Variants in ADCY5 observed in about 807,000 individuals in gnomAD.
ADCY5 encodes adenylate cyclase 5.
A neutral mutation model predicts 119.7 loss-of-function variants in ADCY5; 30 were observed. The ratio of observed to expected loss-of-function variants is 0.25; its 90% confidence interval spans 0.19 to 0.34. The LOEUF (loss-of-function observed/expected upper bound fraction) is 0.34, where lower values mean the gene tolerates loss of function less well. Ranked by LOEUF, ADCY5 falls within the 10% of genes least tolerant of loss-of-function variation. ADCY5 has a pLI of 1.00. For synonymous variants in ADCY5, 753 were observed against 762.2 expected (o/e 0.99, Z 0.20); for missense variants, 1,324 against 1,775.2 (o/e 0.75, Z 4.57).
At chr3:123,383,054 C>G (rs1372214769) in intron 1 of ADCY5, among the ~76,000 whole-genome samples, 1 of 152,174 alleles carries the variant, frequency 6.6e-6, no homozygotes, top group African/African-American at 2.4e-5. Flanking sequence ...ACCCCCACCC[C>G]ATGGCCACCC....
chr3:123,365,252 C>G (rs1484088229), intron 1 of ADCY5, among the ~76,000 whole-genome samples: 5 of 152,208 alleles, frequency 3.3e-5, no homozygotes, highest in Non-Finnish European at 5.9e-5. Flanking sequence ...CCACCGCGCC[C>G]AGCCTTCATT....
intron 2 of ADCY5, among the ~76,000 whole-genome samples, chr3:123,351,619 A>G (rs1002214215): frequency 2.0e-5 from 3 of 152,106 alleles, no homozygotes; most frequent in Admixed American, 6.5e-5. Flanking sequence ...TCTCTCCCCT[A>G]GGCCACACAG....
intron 14 of ADCY5, among the ~76,000 whole-genome samples, chr3:123,302,847 A>T (rs1939923824): frequency 6.6e-6 from 1 of 152,200 alleles, no homozygotes; most frequent in Non-Finnish European, 1.5e-5. Flanking sequence ...ACACCGCTTT[A>T]ACAGTCATTG....
chr3:123,420,904 T>G (rs939157316), intron 1 of ADCY5, among the ~76,000 whole-genome samples: 3 of 152,184 alleles, frequency 2.0e-5, no homozygotes, highest in Non-Finnish European at 4.4e-5. Flanking sequence ...CTCTCCTGGC[T>G]TGTGGTAGCC....
In ADCY5 at chr3:123,300,232, T is replaced by C; in HGVS notation, c.2788A>G (p.Ile930Val). Residue 930 changes from isoleucine (I) to valine (V), a missense_variant, in exon 15 of 21, where the codon ATC (isoleucine) becomes GTC (valine). By Grantham distance (29) the Ile-to-Val change is conservative (BLOSUM62 3). Coordinates refer to ENST00000462833, the MANE Select transcript of ADCY5 (RefSeq NM_183357.3). ...GCCAGCATGAGCACCAGCTTCCCGATGCAGCTGATCTGCAGGAACACGGAG... is the reference window on the plus strand; with the variant it reads ...GCCAGCATGAGCACCAGCTTCCCGACGCAGCTGATCTGCAGGAACACGGAG... Reference protein sequence around the residue: ...ACSVFLQISCIGKLVLMLAIE... With the variant: ...ACSVFLQISCVGKLVLMLAIE... 1 of 1,613,752 alleles carries C rather than the reference T, an allele frequency of 6.2e-7. No individual in the cohort carries two copies. Among genetic ancestry groups the C allele is most frequent in the African/African-American group, 1.3e-5 (1 of 75,056 alleles).
At chr3:123,387,983 G>T (rs1430264976) in intron 1 of ADCY5, among the ~76,000 whole-genome samples, 1 of 152,218 alleles carries the variant, frequency 6.6e-6, no homozygotes, top group East Asian at 1.9e-4. Flanking sequence ...GTTCTGGAAT[G>T]CAGATGAGTA....
intron 3 of ADCY5, among the ~76,000 whole-genome samples, chr3:123,333,747 A>G (rs1289356825): frequency 6.6e-6 from 1 of 152,220 alleles, no homozygotes; most frequent in East Asian, 1.9e-4. Flanking sequence ...CCTGGGGAAG[A>G]GAAGCCTTTT....
At chr3:123,360,157 C>T (rs1227283474) in intron 1 of ADCY5, among the ~76,000 whole-genome samples, 1 of 151,642 alleles carries the variant, frequency 6.6e-6, no homozygotes, top group African/African-American at 2.4e-5. Flanking sequence ...ATCAAGATTG[C>T]TGTTATGTGT....
rs751504886 is a variant in ADCY5 at position 123,332,637 on chromosome 3, G to A, written c.1445C>T (p.Ala482Val). 6.2e-7 allele frequency: 1 copy of A among 1,613,726 alleles called. No homozygotes were observed. The highest frequency in any genetic ancestry group is 1.1e-5 in the South Asian group (1 of 90,978). ...FADIEGFTSL[A>V]SQCTAQELVM... is the part of the protein sequence containing the mutation. ...CAGTTCCTGTGCAGTGCACTGGGAC[G>A]CCAGGCTGGTGAAGCCCTCGATGTC... Residue 482 changes from alanine (A) to valine (V), a missense_variant, in exon 4 of 21, where the codon GCG becomes GTG. By Grantham distance (64) the Ala-to-Val change is moderately conservative. Coordinates refer to ENST00000462833, the MANE Select transcript of ADCY5 (RefSeq NM_183357.3).
At chr3:123,396,069 G>GGAGAGAGGGAGGGAGGGAGAGA (rs1310383163) in intron 1 of ADCY5, among the ~76,000 whole-genome samples, 1 of 9,212 alleles carries the variant, frequency 1.1e-4, no homozygotes, top group African/African-American at 4.6e-4. Flanking sequence ...AGGGTGGGAG[G>GGAGAGAGGGAGGGAGGGAGAGA]GAGAGGGAGG....
intron 12 of ADCY5, among the ~76,000 whole-genome samples, chr3:123,307,967 C>T (rs1258418493): frequency 2.7e-5 from 4 of 148,938 alleles, no homozygotes; most frequent in African/African-American, 9.9e-5. Context: ...ACTGAGTGTG[C>T]ACTGGCTTGC....
At chr3:123,345,769 G>GACACACAGACACACAGACAC (rs1553731376) in intron 3 of ADCY5, among the ~76,000 whole-genome samples, 10 of 113,760 alleles carry the variant, frequency 8.8e-5, no homozygotes, top group African/African-American at 2.0e-4. Flanking sequence ...CAGACAGACA[G>GACACACAGACACACAGACAC]ACACACACAC....
intron 1 of ADCY5, among the ~76,000 whole-genome samples, chr3:123,432,523 T>G (rs1201562130): frequency 1.3e-5 from 2 of 152,098 alleles, no homozygotes; most frequent in African/African-American, 4.8e-5. Flanking sequence ...TCCTATTTTT[T>G]TACTTATTTT....
intron 12 of ADCY5, among the ~76,000 whole-genome samples, chr3:123,308,918 C>T (rs778936638): frequency 6.6e-6 from 1 of 152,204 alleles, no homozygotes; most frequent in South Asian, 2.1e-4. Context: ...GCAGTCAGAT[C>T]GTGGAGAGGA....
chr3:123,344,221 G>A (rs1285386610), intron 3 of ADCY5, among the ~76,000 whole-genome samples: 1 of 152,054 alleles, frequency 6.6e-6, no homozygotes, highest in African/African-American at 2.4e-5. Flanking sequence ...TTTTTCTTGT[G>A]GCCTTGCTCT....
At chr3:123,305,326 T>C (rs1027117313) in intron 12 of ADCY5, among the ~76,000 whole-genome samples, 5 of 152,182 alleles carry the variant, frequency 3.3e-5, no homozygotes, top group Non-Finnish European at 7.4e-5. Context: ...GCATCTGCAG[T>C]TGGCCACACT....
At chr3:123,346,453 T>C (rs567727959) in intron 3 of ADCY5, among the ~76,000 whole-genome samples, 1 of 152,256 alleles carries the variant, frequency 6.6e-6, no homozygotes, top group South Asian at 2.1e-4. Flanking sequence ...ATGTCTCTCC[T>C]AAAGGCTTAG....
chr3:123,315,492 G>A (rs1022636006), intron 11 of ADCY5, among the ~76,000 whole-genome samples: 20 of 152,292 alleles, frequency 1.3e-4, no homozygotes, highest in African/African-American at 4.3e-4. Context: ...CCCCCAAGCC[G>A]CTGCAGAGAA....
At chr3:123,315,761 C>G (rs1271012002) in intron 11 of ADCY5, among the ~76,000 whole-genome samples, 1 of 151,998 alleles carries the variant, frequency 6.6e-6, no homozygotes, top group Admixed American at 6.6e-5. Context: ...TCACCACGCC[C>G]GGCTGATTTT....
Sources: allele counts gnomAD v4.1 joint callset (sites outside exome capture counted in the v4.1 genomes callset), GRCh38; gene constraint gnomAD v4.1.1; transcripts MANE v1.5; gene names NCBI Gene and HGNC (gene_info 2026-07-23, HGNC 2026-07-21).